The following HMGCLL1 variants were observed in gnomAD, a reference collection of about 807,000 sequenced individuals.
The protein encoded by HMGCLL1 is 3-hydroxymethyl-3-methylglutaryl-CoA lyase, cytoplasmic.
HMGCLL1 carries 36 observed loss-of-function variants against 39.1 expected under a neutral mutation model. The ratio of observed to expected loss-of-function variants is 0.92; its 90% confidence interval spans 0.71 to 1.22. The LOEUF (loss-of-function observed/expected upper bound fraction) is 1.22. Among genes scored for constraint, HMGCLL1 ranks in the 50% most tolerant of loss-of-function variants. The probability of loss-of-function intolerance (pLI) is 0.00; values close to 1 mark genes in which losing one functional copy is unlikely to be tolerated. For synonymous variants in HMGCLL1, 149 were observed against 144.0 expected, an observed-to-expected ratio of 1.03 and a Z score of -0.25; for missense variants, 451 against 416.5, an observed-to-expected ratio of 1.08 and a Z score of -0.72.
chr6:55,458,920 G>T (rs1309229986), intron 7 of HMGCLL1, among the ~76,000 whole-genome samples: 1 of 151,894 alleles, frequency 6.6e-6, no homozygotes, highest in Non-Finnish European at 1.5e-5. Flanking sequence ...AATTAATTTG[G>T]GTAATTTGGG....
intron 3 of HMGCLL1, among the ~76,000 whole-genome samples, chr6:55,539,998 G>C (rs13437373): frequency 1.5e-4 from 1 of 6,538 alleles, no homozygotes; most frequent in African/African-American, 5.1e-4. Context: ...GGAAGGAAGG[G>C]AGGGAGGGAG....
At chr6:55,438,949 TC>T (rs1166586891) in intron 8 of HMGCLL1, among the ~76,000 whole-genome samples, 1 of 152,060 alleles carries the variant, frequency 6.6e-6, no homozygotes, top group Non-Finnish European at 1.5e-5. Flanking sequence ...ATTCTTGCCA[TC>T]CAGTGTCTCA....
intron 3 of HMGCLL1, among the ~76,000 whole-genome samples, chr6:55,540,333 T>C (rs1413059557): frequency 6.6e-6 from 1 of 152,088 alleles, no homozygotes; most frequent in African/African-American, 2.4e-5. Flanking sequence ...AATTAATATG[T>C]TGAAATCCTA....
chr6:55,464,240 T>TA (rs1365210550), intron 7 of HMGCLL1, among the ~76,000 whole-genome samples: 1 of 152,162 alleles, frequency 6.6e-6, no homozygotes, highest in Non-Finnish European at 1.5e-5. Flanking sequence ...TTTACTGTCT[T>TA]AAAAAATCTC....
the HMGCLL1 span, among the ~76,000 whole-genome samples, chr6:55,615,797 A>G: frequency 1.3e-5 from 2 of 152,186 alleles, no homozygotes; most frequent in African/African-American, 2.4e-5. Context: ...ACCAACTAAC[A>G]GAAGACTGAA....
upstream of HMGCLL1, among the ~76,000 whole-genome samples, chr6:55,580,406 C>CTTTTTTTTTTTTTTTTTTTTT (rs145371462): frequency 2.7e-5 from 2 of 73,266 alleles, 1 homozygote; most frequent in Non-Finnish European, 4.7e-5. Context: ...TTTTTTCTTT[C>CTTTTTTTTTTTTTTTTTTTTT]TTTTTTTTTT....
intron 4 of HMGCLL1, among the ~76,000 whole-genome samples, chr6:55,515,545 G>A (rs995825387): frequency 1.3e-5 from 2 of 152,174 alleles, no homozygotes; most frequent in Middle Eastern, 3.4e-3. Context: ...ATATCACACA[G>A]GGAGTAAAAG....
chr6:55,655,904 G>A, the HMGCLL1 span, among the ~76,000 whole-genome samples: 1 of 151,816 alleles, frequency 6.6e-6, no homozygotes, highest in Non-Finnish European at 1.5e-5. Context: ...CTATTTTAAT[G>A]TTCTCCTAGT....
intron 7 of HMGCLL1, among the ~76,000 whole-genome samples, chr6:55,449,002 C>T (rs1303648797): frequency 1.3e-5 from 2 of 152,114 alleles, no homozygotes; most frequent in African/African-American, 4.8e-5. Context: ...TTTGGAATCA[C>T]CTGATGTCCT....
chr6:55,620,902 TTG>T, the HMGCLL1 span, among the ~76,000 whole-genome samples: 1 of 152,182 alleles, frequency 6.6e-6, no homozygotes. Context: ...ATGTTTGTTC[TTG>T]ATACCTTTGC....
At chr6:55,554,935 T>C (rs1484112700) in intron 1 of HMGCLL1, among the ~76,000 whole-genome samples, 3 of 152,198 alleles carry the variant, frequency 2.0e-5, no homozygotes, top group African/African-American at 7.2e-5. Context: ...CTTACTTGGA[T>C]AACTGCAAGA....
the HMGCLL1 span, among the ~76,000 whole-genome samples, chr6:55,670,992 A>G: frequency 6.6e-6 from 1 of 151,808 alleles, no homozygotes; most frequent in East Asian, 1.9e-4. Context: ...CTATATTAAT[A>G]CCAGGCAATA....
At chr6:55,671,288 A>T in the HMGCLL1 span, among the ~76,000 whole-genome samples, 12 of 151,880 alleles carry the variant, frequency 7.9e-5, no homozygotes, top group African/African-American at 2.9e-4. Context: ...AGTTGGAGAG[A>T]TTTGAAGCAT....
chr6:55,436,562 C>T (rs1440879352), intron 8 of HMGCLL1, among the ~76,000 whole-genome samples: 1 of 151,906 alleles, frequency 6.6e-6, no homozygotes, highest in Non-Finnish European at 1.5e-5. Flanking sequence ...ACAAACTTGC[C>T]CTTATGTGGC....
At chr6:55,510,401 A>AC (rs200156984) in intron 5 of HMGCLL1, among the ~76,000 whole-genome samples, 1,834 of 151,892 alleles carry the variant, frequency 0.012, 23 homozygotes, top group South Asian at 0.047. Flanking sequence ...CAAATGACCA[A>AC]CAATGATAGA....
chr6:55,616,780 A>T, the HMGCLL1 span, among the ~76,000 whole-genome samples: 2 of 152,108 alleles, frequency 1.3e-5, no homozygotes, highest in Non-Finnish European at 2.9e-5. Flanking sequence ...AGAAGTAAAA[A>T]ATATCAGTAA....
chr6:55,579,749 T>C (rs1771938536), upstream of HMGCLL1, among the ~76,000 whole-genome samples: 1 of 152,186 alleles, frequency 6.6e-6, no homozygotes, highest in Non-Finnish European at 1.5e-5. Flanking sequence ...GAAATGGAAC[T>C]GCGTGTTTAA....
the HMGCLL1 span, among the ~76,000 whole-genome samples, chr6:55,617,081 C>T: frequency 2.6e-5 from 4 of 151,928 alleles, no homozygotes; most frequent in Non-Finnish European, 5.9e-5. Flanking sequence ...GCAGGATGTG[C>T]ATATTTGTTA....
At chr6:55,570,272 T>G (rs533481289) in intron 1 of HMGCLL1, among the ~76,000 whole-genome samples, 21 of 152,208 alleles carry the variant, frequency 1.4e-4, no homozygotes, top group Non-Finnish European at 8.8e-5. Context: ...TAAAACATTC[T>G]AACACATTCT....
Sources: gnomAD v4.1 joint callset for allele counts (sites outside exome capture counted in the v4.1 genomes callset) on GRCh38, gnomAD v4.1.1 for gene constraint, MANE v1.5 for transcripts, NCBI Gene and HGNC (gene_info 2026-07-23, HGNC 2026-07-21) for gene names.